The following CPNE4 variants were observed in gnomAD, a reference collection of about 807,000 sequenced individuals.
CPNE4 encodes the protein copine 4, also known as copine-4.
CPNE4 carries 25 observed loss-of-function variants against 67.9 expected under a neutral mutation model. The observed-to-expected ratio is 0.37, with a 90% CI of 0.27 to 0.51. The LOEUF (loss-of-function observed/expected upper bound fraction) is 0.51. Ranked by LOEUF, CPNE4 falls within the 20% of genes least tolerant of loss-of-function variation. CPNE4 has a pLI of 0.93. For synonymous variants in CPNE4, 242 were observed against 244.9 expected (o/e 0.99, Z 0.11); for missense variants, 464 against 690.8 (o/e 0.67, Z 3.68).
intron 2 of CPNE4, among the ~76,000 whole-genome samples, chr3:131,780,884 C>G (rs1192717448): frequency 6.6e-6 from 1 of 152,024 alleles, no homozygotes; most frequent in African/African-American, 2.4e-5. Flanking sequence ...ACTGGAAAAG[C>G]TAAACCTGTC....
chr3:131,671,055 T>C (rs1385841036), intron 6 of CPNE4, among the ~76,000 whole-genome samples: 2 of 152,224 alleles, frequency 1.3e-5, no homozygotes, highest in Admixed American at 6.5e-5. Context: ...CCCAGAGTGC[T>C]GGGATTACAA....
intron 7 of CPNE4, among the ~76,000 whole-genome samples, chr3:131,618,021 C>G (rs1174774450): frequency 6.6e-6 from 1 of 152,168 alleles, no homozygotes; most frequent in Non-Finnish European, 1.5e-5. Flanking sequence ...GATGTGGTAC[C>G]TGTTTTCCAG....
At chr3:131,863,315 AG>A (rs1266592755) in intron 2 of CPNE4, among the ~76,000 whole-genome samples, 1 of 152,158 alleles carries the variant, frequency 6.6e-6, no homozygotes, top group African/African-American at 2.4e-5. Context: ...ACTAGTTTAC[AG>A]TCCCACCAAC....
At chr3:131,619,207 A>T (rs1446691287) in intron 7 of CPNE4, among the ~76,000 whole-genome samples, 2 of 152,202 alleles carry the variant, frequency 1.3e-5, no homozygotes, top group Non-Finnish European at 2.9e-5. Flanking sequence ...ATGATGGTGT[A>T]CAAGGTCTCA....
intron 2 of CPNE4, among the ~76,000 whole-genome samples, chr3:131,880,243 G>A (rs1319602370): frequency 6.6e-6 from 1 of 151,508 alleles, no homozygotes; most frequent in Non-Finnish European, 1.5e-5. Context: ...ACCCTCCAAA[G>A]TAGCTGGGAC....
intron 7 of CPNE4, among the ~76,000 whole-genome samples, chr3:131,599,115 A>C (rs1939063426): frequency 6.6e-6 from 1 of 152,196 alleles, no homozygotes; most frequent in Non-Finnish European, 1.5e-5. Context: ...ATTATTAGGG[A>C]TTTATGAGAA....
At chr3:132,037,845 A>T (rs1234549508), upstream of CPNE4, 18 of 475,922 alleles carry the variant, frequency 3.8e-5, no homozygotes, top group East Asian at 5.6e-4. Context: ...GATTCTTACC[A>T]ATGCAGTTGA....
chr3:131,914,474 GA>G (rs1173600026), intron 1 of CPNE4, among the ~76,000 whole-genome samples: 1 of 151,942 alleles, frequency 6.6e-6, no homozygotes, highest in Non-Finnish European at 1.5e-5. Context: ...ACATTTCACA[GA>G]GAGTCCTTTA....
intron 2 of CPNE4, among the ~76,000 whole-genome samples, chr3:131,751,390 A>G (rs1325633696): frequency 2.6e-5 from 4 of 151,934 alleles, no homozygotes; most frequent in East Asian, 1.9e-4. Context: ...CTATCTTCCA[A>G]TGTACTGATT....
chr3:131,597,902 A>C (rs1263542755), intron 7 of CPNE4, among the ~76,000 whole-genome samples: 1 of 152,186 alleles, frequency 6.6e-6, no homozygotes, highest in Non-Finnish European at 1.5e-5. Flanking sequence ...ACAAGTAAGA[A>C]CTCAGATAAA....
intron 6 of CPNE4, among the ~76,000 whole-genome samples, chr3:131,685,479 A>G (rs995548332): frequency 2.0e-5 from 3 of 151,732 alleles, no homozygotes. Flanking sequence ...GTTGATATCT[A>G]CAGACATTAA....
intron 1 of CPNE4, among the ~76,000 whole-genome samples, chr3:131,946,904 T>C (rs1430715135): frequency 6.6e-6 from 1 of 152,204 alleles, no homozygotes; most frequent in African/African-American, 2.4e-5. Flanking sequence ...GGGTCCAGCT[T>C]TATACTTTTG....
chr3:132,027,319 GTC>G (rs1335314012), intron 1 of CPNE4, among the ~76,000 whole-genome samples: 1 of 152,140 alleles, frequency 6.6e-6, no homozygotes, highest in Admixed American at 6.5e-5. Flanking sequence ...ACCTTGCTGA[GTC>G]TCTTTTTTCT....
intron 1 of CPNE4, among the ~76,000 whole-genome samples, chr3:131,965,694 A>C (rs186318616): frequency 1.3e-5 from 2 of 152,328 alleles, no homozygotes; most frequent in Admixed American, 1.3e-4. Flanking sequence ...ATATATATGC[A>C]CCCAATACAG....
At chr3:131,996,144 G>C (rs1254180737) in intron 1 of CPNE4, among the ~76,000 whole-genome samples, 2 of 152,134 alleles carry the variant, frequency 1.3e-5, no homozygotes, top group Non-Finnish European at 2.9e-5. Context: ...CACAGGACAC[G>C]ATAAAATGCT....
chr3:131,916,347 G>GA (rs35520224), intron 1 of CPNE4, among the ~76,000 whole-genome samples: 11,165 of 117,708 alleles, frequency 0.095, 533 homozygotes, highest in East Asian at 0.17. Flanking sequence ...TTTCCAGTTA[G>GA]AAAAAAAAAA....
intron 2 of CPNE4, among the ~76,000 whole-genome samples, chr3:131,794,241 CT>C (rs560693108): frequency 0.015 from 2,149 of 141,816 alleles, 9 homozygotes; most frequent in African/African-American, 0.016. Flanking sequence ...TTGGAAACAA[CT>C]TTTTTTTTTT....
chr3:131,871,772 T>C (rs1302721521), intron 2 of CPNE4, among the ~76,000 whole-genome samples: 1 of 152,236 alleles, frequency 6.6e-6, no homozygotes, highest in African/African-American at 2.4e-5. Context: ...CTTCTAGATA[T>C]AAATCCACCT....
intron 11 of CPNE4, among the ~76,000 whole-genome samples, chr3:131,563,039 C>T (rs573242149): frequency 2.0e-5 from 3 of 152,138 alleles, no homozygotes; most frequent in South Asian, 4.1e-4. Context: ...TCCAGAGACA[C>T]AGGCAGGCAG....
Sources: allele counts gnomAD v4.1 joint callset (sites outside exome capture counted in the v4.1 genomes callset), GRCh38; gene constraint gnomAD v4.1.1; transcripts MANE v1.5; gene names NCBI Gene and HGNC (gene_info 2026-07-23, HGNC 2026-07-21).